The following CCSER1 variants were observed in gnomAD, a reference collection of about 807,000 sequenced individuals.
CCSER1 encodes the protein serine-rich coiled-coil domain-containing protein 1.
CCSER1 carries 41 observed loss-of-function variants against 82.0 expected under a neutral mutation model. That is an observed-to-expected ratio of 0.50 (90% CI 0.39 to 0.65). The LOEUF (loss-of-function observed/expected upper bound fraction) is 0.65. Among genes scored for constraint, CCSER1 ranks in the 30% least tolerant of loss-of-function variants. The pLI is 0.00. For synonymous variants in CCSER1, 414 were observed against 383.9 expected (o/e 1.08, Z -0.92); for missense variants, 1,119 against 1,064.2 (o/e 1.05, Z -0.72).
intron 7 of CCSER1, among the ~76,000 whole-genome samples, chr4:90,763,634 C>T (rs1343339410): frequency 6.6e-6 from 1 of 152,074 alleles, no homozygotes; most frequent in Non-Finnish European, 1.5e-5. Flanking sequence ...CATGGCTCTG[C>T]CCGTTTATGT....
At chr4:90,986,168 T>C (rs1427541193) in intron 9 of CCSER1, among the ~76,000 whole-genome samples, 1 of 151,750 alleles carries the variant, frequency 6.6e-6, no homozygotes, top group Non-Finnish European at 1.5e-5. Context: ...TCAAAGTATG[T>C]GCACCACTGT....
chr4:91,302,442 A>AT (rs1282639991), intron 10 of CCSER1, among the ~76,000 whole-genome samples: 1 of 151,684 alleles, frequency 6.6e-6, no homozygotes, highest in Non-Finnish European at 1.5e-5. Context: ...AGGCAAAACC[A>AT]TTTTTTTTCT....
In CCSER1 at chr4:91,021,648, T is replaced by G. The variant is rs112380164; in HGVS notation, c.2173-64302T>G. On this transcript the variant is annotated intron_variant, in intron 9 of 10. Coordinates refer to ENST00000509176, the MANE Select transcript of CCSER1 (RefSeq NM_001145065.2). ...AACTTAGGCTGAACCATTCAGTTACTCAACACTTATGTATTGACCATCTAC... is the reference window on the plus strand; with the variant it reads ...AACTTAGGCTGAACCATTCAGTTACGCAACACTTATGTATTGACCATCTAC... Among the ~76,000 whole-genome samples, 505 of 152,298 alleles carry G rather than the reference T, an allele frequency of 3.3e-3. 2 individuals carry two copies. Among genetic ancestry groups the G allele is most frequent in the African/African-American group, 0.011 (466 of 41,560 alleles).
Position 91,165,643 on chromosome 4 carries a change from G to C in CCSER1, c.2217+79649G>C, listed in dbSNP as rs550417342. Among the ~76,000 whole-genome samples, 3 of 152,304 alleles carry C rather than the reference G, an allele frequency of 2.0e-5. No individual in the cohort carries two copies. The South Asian group carries it at 6.2e-4, about 32-fold the overall frequency. ...TACTCAAGCCTCAGCAATGGCAGAC[G>C]CCCCTCCCCCTGCCAGGCTGCTGCC... On this transcript the variant is annotated intron_variant, in intron 10 of 10. Coordinates refer to ENST00000509176, the MANE Select transcript of CCSER1 (RefSeq NM_001145065.2).
intron 5 of CCSER1, among the ~76,000 whole-genome samples, chr4:90,547,215 A>T (rs1390156520): frequency 6.6e-6 from 1 of 151,516 alleles, no homozygotes; most frequent in Non-Finnish European, 1.5e-5. Context: ...ATACAATGTG[A>T]CACAATTAAA....
intron 5 of CCSER1, among the ~76,000 whole-genome samples, chr4:90,539,799 A>G (rs7693681): frequency 0.22 from 33,076 of 152,066 alleles, 4,513 homozygotes; most frequent in African/African-American, 0.38. Context: ...GAATAAATAA[A>G]ACTTATAAGA....
intron 8 of CCSER1, among the ~76,000 whole-genome samples, chr4:90,877,136 T>G (rs958192644): frequency 6.6e-6 from 1 of 152,090 alleles, no homozygotes; most frequent in Non-Finnish European, 1.5e-5. Context: ...TATTTCTTGC[T>G]CACCATACAT....
chr4:90,169,658 T>C (rs954755278), intron 1 of CCSER1, among the ~76,000 whole-genome samples: 2 of 152,046 alleles, frequency 1.3e-5, no homozygotes, highest in African/African-American at 4.8e-5. Flanking sequence ...CTGAAATGCA[T>C]TCATTTTAAA....
chr4:90,964,377 G>A (rs1293945338), intron 9 of CCSER1, among the ~76,000 whole-genome samples: 2 of 152,042 alleles, frequency 1.3e-5, no homozygotes, highest in African/African-American at 4.8e-5. Context: ...GTAATAAAAA[G>A]CAGCAGTTCT....
chr4:91,029,941 A>G (rs34763715), intron 9 of CCSER1, among the ~76,000 whole-genome samples: 51,516 of 152,006 alleles, frequency 0.34, 10,552 homozygotes, highest in East Asian at 0.58. Context: ...TTGTAGCTTT[A>G]TATTGATTGA....
At chr4:90,180,322 C>G (rs2153384807) in intron 1 of CCSER1, among the ~76,000 whole-genome samples, 1 of 152,106 alleles carries the variant, frequency 6.6e-6, no homozygotes, top group South Asian at 2.1e-4. Flanking sequence ...GATGCGGTGC[C>G]TCACGCCCAT....
chr4:91,371,211 ACT>A lies in CCSER1; in HGVS notation c.2218-227358_2218-227357del, dbSNP rs201218231. Among the ~76,000 whole-genome samples, 1,040 of 152,160 alleles carry A rather than the reference ACT, an allele frequency of 6.8e-3. 10 individuals are homozygous for A. The highest frequency in any genetic ancestry group is 0.024 in the African/African-American group (983 of 41,504). On this transcript the variant is annotated intron_variant, in intron 10 of 10. Transcript: ENST00000509176. The stretch of plus-strand genomic sequence containing the variant: ...CAATAAATTATTATTGACTGTAATC[ACT>A]CTGTTGTGCTATCTAATACTACATC...
chr4:90,510,430 C>T (rs1771335803), intron 5 of CCSER1, among the ~76,000 whole-genome samples: 2 of 152,196 alleles, frequency 1.3e-5, no homozygotes, highest in African/African-American at 4.8e-5. Context: ...GAAACTATAA[C>T]ATTAATTTTT....
At chr4:91,275,323 T>G (rs1043268521) in intron 10 of CCSER1, among the ~76,000 whole-genome samples, 2 of 151,974 alleles carry the variant, frequency 1.3e-5, no homozygotes, top group African/African-American at 4.8e-5. Flanking sequence ...TTTTGTTTTT[T>G]GTTTTTGTTT....
intron 10 of CCSER1, among the ~76,000 whole-genome samples, chr4:91,390,005 C>CAT (rs1283168996): frequency 6.6e-6 from 1 of 151,990 alleles, no homozygotes; most frequent in African/African-American, 2.4e-5. Context: ...CATGTATCTT[C>CAT]ATATATCTGT....
At chr4:91,480,800 A>G (rs1757866051) in intron 10 of CCSER1, among the ~76,000 whole-genome samples, 1 of 152,176 alleles carries the variant, frequency 6.6e-6, no homozygotes, top group African/African-American at 2.4e-5. Flanking sequence ...ATAGAACGTG[A>G]CACTTCTTAC....
At chr4:91,315,189 A>C (rs1168032304) in intron 10 of CCSER1, among the ~76,000 whole-genome samples, 1 of 151,216 alleles carries the variant, frequency 6.6e-6, no homozygotes, top group Non-Finnish European at 1.5e-5. Flanking sequence ...GTAAGTGTGT[A>C]ATTATTCTTC....
At chr4:90,272,613 T>G (rs552986474) in intron 1 of CCSER1, among the ~76,000 whole-genome samples, 61 of 152,296 alleles carry the variant, frequency 4.0e-4, no homozygotes, top group Non-Finnish European at 7.8e-4. Context: ...CACTCCTATG[T>G]TTATTGCAGC....
At chr4:91,558,110 A>T (rs74476597) in intron 10 of CCSER1, among the ~76,000 whole-genome samples, 19 of 149,978 alleles carry the variant, frequency 1.3e-4, no homozygotes, top group African/African-American at 1.7e-4. Flanking sequence ...TAATAAAAAA[A>T]ATATATTTCA....
Sources: gnomAD v4.1 joint callset for allele counts (sites outside exome capture counted in the v4.1 genomes callset) on GRCh38, gnomAD v4.1.1 for gene constraint, MANE v1.5 for transcripts, NCBI Gene and HGNC (gene_info 2026-07-23, HGNC 2026-07-21) for gene names.